RYR2: variants seen among roughly 807,000 people sequenced by gnomAD.
RYR2 encodes cardiac muscle ryanodine receptor-calcium release channel.
Under a neutral mutation model 601.1 loss-of-function variants are expected in RYR2, and 227 were observed. That is an observed-to-expected ratio of 0.38 (90% CI 0.34 to 0.42). The LOEUF (loss-of-function observed/expected upper bound fraction) is 0.42, where lower values mean the gene tolerates loss of function less well. Among genes scored for constraint, RYR2 ranks in the 10% least tolerant of loss-of-function variants. The pLI, the probability that RYR2 is intolerant of heterozygous loss-of-function variation, is 1.00. For missense variants in RYR2, 4,646 were observed against 6,156.5 expected (o/e 0.75, Z 8.21); for synonymous variants, 2,223 against 2,175.1 (o/e 1.02, Z -0.61).
intron 56 of RYR2, among the ~76,000 whole-genome samples, chr1:237,661,673 A>G (rs886801596): frequency 1.3e-5 from 2 of 152,188 alleles, no homozygotes; most frequent in Non-Finnish European, 2.9e-5. Context: ...GACAGTCATG[A>G]TCCAGATTTA....
At chr1:237,795,249 A>AAAAT (rs769491348) in intron 95 of RYR2, 40 bp from the exon 96 acceptor site, 1 of 970,122 alleles carries the variant, frequency 1.0e-6, no homozygotes, top group Non-Finnish European at 1.5e-6. Flanking sequence ...TTTGTCATTA[A>AAAAT]AAATAATACT....
chr1:237,442,290 A>G (rs1173324092), intron 13 of RYR2, among the ~76,000 whole-genome samples: 1 of 152,234 alleles, frequency 6.6e-6, no homozygotes, highest in Non-Finnish European at 1.5e-5. Context: ...TACTAGATTT[A>G]GCAGATGTTA....
At chr1:237,320,479 T>G (rs140825210) in intron 2 of RYR2, among the ~76,000 whole-genome samples, 154 of 152,300 alleles carry the variant, frequency 1.0e-3, no homozygotes, top group African/African-American at 3.5e-3. Flanking sequence ...TAGCTTCAAC[T>G]ATAGGTTTAT....
chr1:237,793,795 T>G, intron 94 of RYR2, 72 bp from the exon 95 acceptor site: 2 of 1,212,152 alleles, frequency 1.6e-6, no homozygotes, highest in Non-Finnish European at 2.3e-6. Context: ...AAAGCTGTTT[T>G]GTAAAGATAG....
intron 4 of RYR2, among the ~76,000 whole-genome samples, chr1:237,362,633 T>G (rs1699872344): frequency 6.6e-6 from 1 of 152,206 alleles, no homozygotes; most frequent in Non-Finnish European, 1.5e-5. Context: ...TCTTTTCCCT[T>G]AAACGATCCC....
chr1:237,515,841 C>CCTCCCTCTTTTCT (rs1553481194), intron 24 of RYR2, among the ~76,000 whole-genome samples: 1 of 106,964 alleles, frequency 9.3e-6, no homozygotes, highest in Non-Finnish European at 2.1e-5. Flanking sequence ...CCCTCTTCTC[C>CCTCCCTCTTTTCT]TCCTCCCTCT....
Position 237,065,006 on chromosome 1 carries a change from ATTGTGTGTTCTG to A in RYR2, c.48+22440_48+22451del, listed in dbSNP as rs537608828. Among the ~76,000 whole-genome samples, 93 of 152,118 alleles carry A rather than the reference ATTGTGTGTTCTG, an allele frequency of 6.1e-4. 1 individual carries two copies. In the South Asian group the frequency reaches 6.8e-3, roughly 11 times the overall value. On this transcript the variant is annotated intron_variant, in intron 1 of 104. Coordinates refer to ENST00000366574, the MANE Select transcript of RYR2 (RefSeq NM_001035.3). ...AACTTTTGGTGGCACGTAACATCGT[ATTGTGTGTTCTG>A]TTTTAACTTGTTCTTAAGAAACTTT...
chr1:237,501,002 TTG>T (rs1240803602), intron 21 of RYR2, 99 bp downstream of exon 21: 1 of 1,176,850 alleles, frequency 8.5e-7, no homozygotes, highest in Non-Finnish European at 1.2e-6. Context: ...TAACCATTGT[TTG>T]TCTCTCCTGG....
At chr1:237,230,065 G>A (rs959536852) in intron 1 of RYR2, among the ~76,000 whole-genome samples, 2 of 152,052 alleles carry the variant, frequency 1.3e-5, no homozygotes, top group African/African-American at 4.8e-5. Flanking sequence ...CATTTTAAAG[G>A]TGGATAAAAT....
chr1:237,433,051 A>C (rs1388822679), intron 12 of RYR2, among the ~76,000 whole-genome samples: 1 of 151,850 alleles, frequency 6.6e-6, no homozygotes, highest in Non-Finnish European at 1.5e-5. Flanking sequence ...GGGTATCTTA[A>C]AGAAAAGAAC....
intron 1 of RYR2, among the ~76,000 whole-genome samples, chr1:237,163,164 A>G (rs1005784700): frequency 2.6e-5 from 4 of 152,238 alleles, no homozygotes; most frequent in African/African-American, 7.2e-5. Flanking sequence ...CTGGTTGCTG[A>G]TTTTGGGAAT....
At chr1:237,401,405 ATTTAGAGGTTCCCATAATCCC>A (rs1363466762) in intron 10 of RYR2, among the ~76,000 whole-genome samples, 2 of 151,012 alleles carry the variant, frequency 1.3e-5, no homozygotes, top group Non-Finnish European at 2.9e-5. Flanking sequence ...CTGGCTATAC[ATTTAGAGGTTCCCATAATCCC>A]TTTAGATTCA....
At chr1:237,424,461 T>A (rs1705921527) in intron 12 of RYR2, among the ~76,000 whole-genome samples, 1 of 152,188 alleles carries the variant, frequency 6.6e-6, no homozygotes, top group African/African-American at 2.4e-5. Flanking sequence ...CCATATTTTG[T>A]ATGCTGGCCC....
chr1:237,236,252 G>A (rs373007996), intron 1 of RYR2, among the ~76,000 whole-genome samples: 39 of 152,270 alleles, frequency 2.6e-4, no homozygotes, highest in African/African-American at 8.9e-4. Flanking sequence ...TCCTTTGCTC[G>A]TAGCACTCAT....
At chr1:237,075,322 C>G (rs1013336309) in intron 1 of RYR2, among the ~76,000 whole-genome samples, 5 of 151,404 alleles carry the variant, frequency 3.3e-5, no homozygotes, top group Admixed American at 1.3e-4. Flanking sequence ...CCAGCGTGAG[C>G]GACGCAGAAG....
intron 24 of RYR2, among the ~76,000 whole-genome samples, chr1:237,516,210 A>G (rs1393086076): frequency 6.6e-6 from 1 of 152,034 alleles, no homozygotes; most frequent in Non-Finnish European, 1.5e-5. Flanking sequence ...TCCCAGATTC[A>G]AGTGATTCTC....
intron 48 of RYR2, among the ~76,000 whole-genome samples, chr1:237,647,787 A>T (rs1682327736): frequency 6.6e-6 from 1 of 152,338 alleles, no homozygotes; most frequent in South Asian, 2.1e-4. Flanking sequence ...AAATTGGCAC[A>T]TAATCCCATG....
intron 96 of RYR2, among the ~76,000 whole-genome samples, chr1:237,795,836 G>GTGTGTATATA (rs371932356): frequency 1.1e-4 from 14 of 132,690 alleles, no homozygotes; most frequent in African/African-American, 2.0e-4. Context: ...GTGTGTGTGT[G>GTGTGTATATA]TATATATATA....
At chr1:237,197,542 A>C (rs1680704707) in intron 1 of RYR2, among the ~76,000 whole-genome samples, 1 of 152,252 alleles carries the variant, frequency 6.6e-6, no homozygotes, top group Non-Finnish European at 1.5e-5. Context: ...AATGAGGAAA[A>C]GGAACCAATA....
Sources: allele counts gnomAD v4.1 joint callset (sites outside exome capture counted in the v4.1 genomes callset), GRCh38; gene constraint gnomAD v4.1.1; transcripts MANE v1.5; gene names NCBI Gene and HGNC (gene_info 2026-07-23, HGNC 2026-07-21).